FRY: variants seen among roughly 807,000 people sequenced by gnomAD.
The protein encoded by FRY is protein furry homolog.
A neutral mutation model predicts 348.4 loss-of-function variants in FRY; 128 were observed. The observed-to-expected ratio is 0.37, with a 90% CI of 0.32 to 0.43. The LOEUF is 0.43. Ranked by LOEUF, FRY falls within the 20% of genes least tolerant of loss-of-function variation. The pLI is 1.00. For synonymous variants in FRY, 1,370 were observed against 1,374.7 expected, an observed-to-expected ratio of 1.00 and a Z score of 0.08; for missense variants, 2,736 against 3,695.2, an observed-to-expected ratio of 0.74 and a Z score of 6.73.
intron 13 of FRY, among the ~76,000 whole-genome samples, chr13:32,148,829 G>T (rs1880620501): frequency 6.6e-6 from 1 of 152,202 alleles, no homozygotes; most frequent in Non-Finnish European, 1.5e-5. Context: ...TGATTTGACA[G>T]TGATAGCTCT....
chr13:32,157,684 G>A (rs1001501627), intron 16 of FRY, among the ~76,000 whole-genome samples: 5 of 152,134 alleles, frequency 3.3e-5, no homozygotes, highest in Non-Finnish European at 2.9e-5. Context: ...ATGGCATTTT[G>A]TTCCCAGGCA....
rs549998397 is a variant in FRY at position 32,178,395 on chromosome 13, C to T, written c.2640C>T (p.Ala880=). Residue 880 remains alanine (A), a synonymous_variant, in exon 21 of 61, where the codon GCC becomes GCT. Coordinates refer to ENST00000542859, the MANE Select transcript of FRY (RefSeq NM_023037.3). ...CCCTCAGCTATGCCTGGCCTTATGCCTTCACTCGGCTCCAGTCGGTGATGC... is the reference window on the plus strand; with the variant it reads ...CCCTCAGCTATGCCTGGCCTTATGCTTTCACTCGGCTCCAGTCGGTGATGC... ...PTALSYAWPY[A]FTRLQSVMPL... 3.2e-5 allele frequency: 51 copies of T among 1,614,158 alleles called. No individual in the cohort carries two copies. In the South Asian group the frequency reaches 4.6e-4, roughly 15 times the overall value.
Position 32,287,708 on chromosome 13 carries a change from G to A in FRY, c.8470-1925G>A, listed in dbSNP as rs17077391. 643 of 194,256 alleles carry A rather than the reference G, an allele frequency of 3.3e-3. 4 individuals are homozygous for A. The highest frequency in any genetic ancestry group is 0.014 in the African/African-American group (615 of 42,754). The allele number at this position is 194,256 out of a possible 1,614,324, so 12.0% of individuals were successfully genotyped here. A position where few individuals can be genotyped will look rare whatever the true frequency, so the allele number is the denominator to read the frequency against. ...AACTGGAACGCTATGCATGTTGAAT[G>A]GGTACGACATTTGCAACATTTATCA... On this transcript the variant is annotated intron_variant, in intron 58 of 60. Transcript: ENST00000542859.
In FRY at chr13:32,280,784, A is replaced by G. The variant is rs78503062; in HGVS notation, c.8469+2236A>G. Among the ~76,000 whole-genome samples, 589 of 152,352 alleles carry G rather than the reference A, an allele frequency of 3.9e-3. 7 individuals are homozygous for G. The highest frequency in any genetic ancestry group is 0.012 in the African/African-American group (497 of 41,590). Reference sequence around the variant, plus strand: ...AGAGTTGAAACCAAATCTATTATTTATTTGTTTGTTTCTTTATAGCTTCCG... The same window carrying G: ...AGAGTTGAAACCAAATCTATTATTTGTTTGTTTGTTTCTTTATAGCTTCCG... On this transcript the variant is annotated intron_variant, in intron 58 of 60. Coordinates refer to ENST00000542859, the MANE Select transcript of FRY (RefSeq NM_023037.3).
chr13:32,089,578 C>T (rs1876113799), intron 2 of FRY, among the ~76,000 whole-genome samples: 1 of 151,788 alleles, frequency 6.6e-6, no homozygotes, highest in South Asian at 2.1e-4. Context: ...GCCTGTGCAA[C>T]GTGGTGAGAC....
intron 59 of FRY, among the ~76,000 whole-genome samples, chr13:32,290,960 C>T: frequency 6.6e-6 from 1 of 152,112 alleles, no homozygotes; most frequent in Non-Finnish European, 1.5e-5. Context: ...GACAGTCAAG[C>T]CTTCTGCCGG....
chr13:32,046,479 T>A (rs1873021721), intron 1 of FRY, among the ~76,000 whole-genome samples: 1 of 152,194 alleles, frequency 6.6e-6, no homozygotes, highest in South Asian at 2.1e-4. Context: ...CTACTTTAAG[T>A]GGAAAGTTAA....
intron 54 of FRY, among the ~76,000 whole-genome samples, chr13:32,265,909 T>A (rs1275676414): frequency 6.6e-6 from 1 of 152,218 alleles, no homozygotes. Flanking sequence ...GCTTTGAAGA[T>A]AAGCAACACT....
At chr13:32,126,295 A>C (rs1288423679) in intron 7 of FRY, among the ~76,000 whole-genome samples, 9 of 152,170 alleles carry the variant, frequency 5.9e-5, no homozygotes, top group Admixed American at 5.9e-4. Flanking sequence ...TGTTTTCCTT[A>C]GTTTTTGTGA....
rs946581713 is a variant in FRY at position 32,297,290 on chromosome 13, A to T, written c.*1830A>T. On this transcript the variant is annotated 3_prime_UTR_variant, in exon 61 of 61. Coordinates refer to ENST00000542859, the MANE Select transcript of FRY (RefSeq NM_023037.3). Reference sequence around the variant, plus strand: ...TTATTTTTTTCAACTTGCCTGAAAGATGATTTGCTATGATTTGTAGAAACA... The same window carrying T: ...TTATTTTTTTCAACTTGCCTGAAAGTTGATTTGCTATGATTTGTAGAAACA... 6.6e-6 allele frequency: 1 copy of T among 152,174 alleles called. No homozygotes were observed. Among genetic ancestry groups the T allele is most frequent in the Non-Finnish European group, 1.5e-5 (1 of 68,030 alleles). The allele number at this position is 152,174 out of a possible 1,614,324, so 9.4% of individuals were successfully genotyped here. A position where few individuals can be genotyped will look rare whatever the true frequency, so the allele number is the denominator to read the frequency against.
At chr13:32,268,536 A>ATATATATATATATATATC (rs1888059879) in intron 55 of FRY, among the ~76,000 whole-genome samples, 2 of 134,644 alleles carry the variant, frequency 1.5e-5, no homozygotes, top group South Asian at 2.4e-4. Flanking sequence ...ATATATATAT[A>ATATATATATATATATATC]TATCTAGATT....
At chr13:32,187,401 A>C (rs1388722934) in intron 27 of FRY, 145 bp from the exon 28 acceptor site, 7 of 663,080 alleles carry the variant, frequency 1.1e-5, no homozygotes, top group Non-Finnish European at 1.9e-5. Flanking sequence ...CTACTAAAGA[A>C]TGCTTTAAAA....
intron 41 of FRY, among the ~76,000 whole-genome samples, chr13:32,232,376 T>C (rs1182908959): frequency 6.6e-6 from 1 of 152,204 alleles, no homozygotes; most frequent in Non-Finnish European, 1.5e-5. Context: ...ATCCCTGCTT[T>C]TGGCCTGTTT....
chr13:32,057,966 AAAT>A (rs1873733980), intron 1 of FRY, among the ~76,000 whole-genome samples: 1 of 151,588 alleles, frequency 6.6e-6, no homozygotes, highest in East Asian at 1.9e-4. Flanking sequence ...TCTCAAAAAA[AAAT>A]AAATAAATAA....
At chr13:32,266,933 G>A (rs1411971258) in intron 54 of FRY, among the ~76,000 whole-genome samples, 1 of 152,110 alleles carries the variant, frequency 6.6e-6, no homozygotes, top group Non-Finnish European at 1.5e-5. Flanking sequence ...GCAGTGAGCC[G>A]AGATCATGCC....
chr13:32,250,681 T>C (rs1417775544), intron 49 of FRY, among the ~76,000 whole-genome samples: 1 of 152,164 alleles, frequency 6.6e-6, no homozygotes, highest in East Asian at 1.9e-4. Context: ...GGGACAGTGT[T>C]ACCAGAAGAA....
At chr13:32,136,387 T>C (rs545213265) in intron 10 of FRY, among the ~76,000 whole-genome samples, 1 of 152,238 alleles carries the variant, frequency 6.6e-6, no homozygotes, top group African/African-American at 2.4e-5. Context: ...CTTTTAGGAA[T>C]CTTCCTTAAT....
At chr13:32,036,187 G>T (rs1267172421) in intron 1 of FRY, among the ~76,000 whole-genome samples, 1 of 152,186 alleles carries the variant, frequency 6.6e-6, no homozygotes, top group Non-Finnish European at 1.5e-5. Flanking sequence ...TGAAAGAAGT[G>T]GAAAACTAAG....
intron 46 of FRY, among the ~76,000 whole-genome samples, chr13:32,243,218 C>T (rs2138477985): frequency 6.6e-6 from 1 of 152,308 alleles, no homozygotes; most frequent in African/African-American, 2.4e-5. Context: ...TTAATATTAT[C>T]TGATATCCTC....
Sources: gnomAD v4.1 joint callset for allele counts (sites outside exome capture counted in the v4.1 genomes callset) on GRCh38, gnomAD v4.1.1 for gene constraint, MANE v1.5 for transcripts, NCBI Gene and HGNC (gene_info 2026-07-23, HGNC 2026-07-21) for gene names.